Variants in KIF13B observed in about 807,000 individuals in gnomAD.
The protein encoded by KIF13B is kinesin-like protein KIF13B.
In KIF13B, 127 loss-of-function variants were observed where a neutral mutation model predicts 222.0. That is an observed-to-expected ratio of 0.57 (90% CI 0.50 to 0.66). The LOEUF is 0.66. Ranked by LOEUF, KIF13B falls within the 30% of genes least tolerant of loss-of-function variation. The pLI is 0.00. For missense variants in KIF13B, 2,173 were observed against 2,379.0 expected, an observed-to-expected ratio of 0.91 and a Z score of 1.80; for synonymous variants, 976 against 919.0, an observed-to-expected ratio of 1.06 and a Z score of -1.12.
At chr8:29,208,864 G>A (rs1000602729) in intron 2 of KIF13B, among the ~76,000 whole-genome samples, 1 of 152,146 alleles carries the variant, frequency 6.6e-6, no homozygotes, top group Non-Finnish European at 1.5e-5. Flanking sequence ...CCACAGCCTC[G>A]TCTCAGAAAA....
Position 29,071,709 on chromosome 8 carries a change from C to G in KIF13B, c.5129G>C (p.Gly1710Ala). Reference protein sequence around the residue: ...WLREGEFVTVGAHKTGVVRYV... With the variant: ...WLREGEFVTVAAHKTGVVRYV... ...TCTCACCACGCCCGTTTTGTGGGCG[C>G]CCACGGTGACGAACTCGCCCTCTCG... Residue 1710 changes from glycine (G) to alanine (A), a missense_variant, in exon 39 of 40, where the codon GGC becomes GCC. By Grantham distance (60) the Gly-to-Ala change is moderately conservative. Transcript: ENST00000524189. The surrounding 1 kb of genome is among the most constrained non-coding windows in gnomAD (Gnocchi z 4.9). 6.4e-7 allele frequency: 1 copy of G among 1,550,768 alleles called. No individual in the cohort carries two copies. The highest frequency in any genetic ancestry group is 8.7e-7 in the Non-Finnish European group (1 of 1,147,050).
At chr8:29,073,411 G>GAGC (rs1375227003) in intron 38 of KIF13B, among the ~76,000 whole-genome samples, 1 of 152,150 alleles carries the variant, frequency 6.6e-6, no homozygotes, top group Non-Finnish European at 1.5e-5. Flanking sequence ...TCATGGGGGA[G>GAGC]AGCAGCCACC....
At chr8:29,165,833 C>G in intron 11 of KIF13B, 61 bp from the exon 12 acceptor site, 1 of 1,204,608 alleles carries the variant, frequency 8.3e-7, no homozygotes. Flanking sequence ...AAGAAGTGGC[C>G]AACTCTAAAA....
At chr8:29,095,679 A>G (rs1423268957) in intron 36 of KIF13B, among the ~76,000 whole-genome samples, 2 of 152,188 alleles carry the variant, frequency 1.3e-5, no homozygotes, top group African/African-American at 4.8e-5. Context: ...AGGCAGGAGA[A>G]TCACTTAAAC....
intron 10 of KIF13B, among the ~76,000 whole-genome samples, 164 bp downstream of exon 10, chr8:29,175,904 A>G (rs184299829): frequency 6.6e-6 from 1 of 152,244 alleles, no homozygotes; most frequent in African/African-American, 2.4e-5. Context: ...GAAAAAACCT[A>G]CGTTTATTCC....
At position 29,147,533 on chromosome 8, in the gene KIF13B, C is replaced by A; in HGVS notation, c.1883G>T (p.Arg628Leu). The change falls in exon 17 of 40, where the codon CGC becomes CTC. Residue 628 changes from arginine to leucine, a missense_variant. Around this residue, in one of 2 missense-constraint regions of KIF13B, gnomAD observed 1,480 missense variants for 1,722.8 expected, o/e 0.86. Transcript: ENST00000524189. The part of the protein sequence containing the change: ...HEEEKRSALE[R>L]QRLMYEHELE... ...TTCGTGCTCATACATAAGCCTCTGG[C>A]GCTCCAGTGCAGATCGTTTTTCTTC... 1 of 1,613,694 alleles carries A rather than the reference C, an allele frequency of 6.2e-7. No homozygotes were observed. The highest frequency in any genetic ancestry group is 8.5e-7 in the Non-Finnish European group (1 of 1,179,846).
chr8:29,072,662 C>T (rs1211968843), intron 38 of KIF13B, among the ~76,000 whole-genome samples: 2 of 152,226 alleles, frequency 1.3e-5, no homozygotes, highest in Non-Finnish European at 2.9e-5. Flanking sequence ...AGGCCCTGTG[C>T]TGTGTGCCCA....
intron 29 of KIF13B, among the ~76,000 whole-genome samples, chr8:29,119,675 G>A (rs979926539): frequency 2.6e-5 from 4 of 151,998 alleles, no homozygotes; most frequent in African/African-American, 4.8e-5. Flanking sequence ...CCTCACCTAC[G>A]TAGGAAGCCT....
chr8:29,183,129 T>C (rs369337456), intron 6 of KIF13B, among the ~76,000 whole-genome samples: 2 of 152,028 alleles, frequency 1.3e-5, no homozygotes, highest in Non-Finnish European at 2.9e-5. Flanking sequence ...ACACAAAATC[T>C]TTTTTAAAAT....
chr8:29,220,545 C>A (rs1814695492), intron 2 of KIF13B, among the ~76,000 whole-genome samples: 1 of 140,574 alleles, frequency 7.1e-6, no homozygotes, highest in Non-Finnish European at 1.5e-5. Context: ...AATAAAATTT[C>A]TTTATTTAAA....
chr8:29,246,611 C>A (rs886874514), intron 1 of KIF13B, among the ~76,000 whole-genome samples: 6 of 151,946 alleles, frequency 3.9e-5, no homozygotes, highest in African/African-American at 1.5e-4. Context: ...CAAGGTCTGA[C>A]AATACATACA....
intron 18 of KIF13B, among the ~76,000 whole-genome samples, chr8:29,144,567 T>C (rs1450171148): frequency 6.6e-6 from 1 of 152,050 alleles, no homozygotes. Context: ...CATCTTACAG[T>C]CAAAATTAAA....
chr8:29,259,677 C>T (rs995353235), intron 1 of KIF13B, among the ~76,000 whole-genome samples: 6 of 152,190 alleles, frequency 3.9e-5, no homozygotes, highest in Admixed American at 1.3e-4. Context: ...CCACCAATTA[C>T]GGCTACAGAA....
intron 14 of KIF13B, among the ~76,000 whole-genome samples, chr8:29,154,345 C>G (rs1035365859): frequency 4.7e-5 from 7 of 148,638 alleles, no homozygotes; most frequent in African/African-American, 1.7e-4. Flanking sequence ...GGGAAGGGAT[C>G]GGGAGAAGGG....
Position 29,117,008 on chromosome 8 carries a change from C to T in KIF13B, c.3661-1G>A. On this transcript the variant is annotated splice_acceptor_variant, in intron 30 of 39. Transcript: ENST00000524189. LOFTEE classifies it high-confidence loss of function. ...AGTCCCAGGAGGCTTCTGCTTTCACCTGGAGAGAAGACAGAGAGGAAACAG... is the reference window on the plus strand; with the variant it reads ...AGTCCCAGGAGGCTTCTGCTTTCACTTGGAGAGAAGACAGAGAGGAAACAG... 1 of 1,562,122 alleles carries T rather than the reference C, an allele frequency of 6.4e-7. No homozygotes were observed. The highest frequency in any genetic ancestry group is 8.7e-7 in the Non-Finnish European group (1 of 1,147,884).
chr8:29,167,694 T>A, intron 10 of KIF13B, 109 bp from the exon 11 acceptor site: 1 of 846,128 alleles, frequency 1.2e-6, no homozygotes, highest in Non-Finnish European at 1.9e-6. Context: ...TCAAACACAT[T>A]CAATGACAGA....
At chr8:29,238,669 A>C (rs1248240498) in intron 2 of KIF13B, among the ~76,000 whole-genome samples, 1 of 152,186 alleles carries the variant, frequency 6.6e-6, no homozygotes, top group Admixed American at 6.5e-5. Flanking sequence ...AAACAAGAAC[A>C]GTCTCTGCCT....
At chr8:29,176,847 T>C (rs1184275112) in intron 9 of KIF13B, among the ~76,000 whole-genome samples, 1 of 151,798 alleles carries the variant, frequency 6.6e-6, no homozygotes, top group Non-Finnish European at 1.5e-5. Flanking sequence ...AAACCTAAAA[T>C]GAGCCCACAT....
rs749258265 is a variant in KIF13B at position 29,099,237 on chromosome 8, C to A, written c.4220G>T (p.Arg1407Leu). Residue 1407 changes from arginine to leucine, a missense_variant, in exon 36 of 40, where the codon CGG becomes CTG. By Grantham distance (102) the Arg-to-Leu change is moderately radical. Coordinates refer to ENST00000524189, the MANE Select transcript of KIF13B (RefSeq NM_015254.4). Reference protein sequence around the residue: ...PSYSLGSNKGRWESQQDVSQT... With the variant: ...PSYSLGSNKGLWESQQDVSQT... Reference sequence around the variant, plus strand: ...GGATACATCCTGCTGACTTTCCCACCGGCCCTAGTAAAGACAAAATTGGCA... The same window carrying A: ...GGATACATCCTGCTGACTTTCCCACAGGCCCTAGTAAAGACAAAATTGGCA... 1.2e-6 allele frequency: 2 copies of A among 1,607,536 alleles called. No individual in the cohort carries two copies.
Sources: gnomAD v4.1 joint callset for allele counts (sites outside exome capture counted in the v4.1 genomes callset) on GRCh38, gnomAD v4.1.1 for gene constraint, gnomAD v4.1.1 regional missense constraint, Gnocchi (gnomAD v3.1) non-coding constraint, MANE v1.5 for transcripts, NCBI Gene and HGNC (gene_info 2026-07-23, HGNC 2026-07-21) for gene names.